SOX5: variants seen among roughly 807,000 people sequenced by gnomAD.
The protein encoded by SOX5 is SRY-box transcription factor 5.
SOX5 carries 9 observed loss-of-function variants against 92.0 expected under a neutral mutation model. The observed-to-expected ratio is 0.10, with a 90% confidence interval of 0.06 to 0.17. The LOEUF is 0.17. SOX5 is among the 10% of genes least tolerant of loss of function. The pLI is 1.00. For synonymous variants in SOX5, 344 were observed against 336.3 expected, an observed-to-expected ratio of 1.02 and a Z score of -0.25; for missense variants, 642 against 944.5, an observed-to-expected ratio of 0.68 and a Z score of 4.20.
chr12:23,922,133 TTAAAAAAGACC>T (rs1340522985), intron 1 of SOX5, among the ~76,000 whole-genome samples: 1 of 152,186 alleles, frequency 6.6e-6, no homozygotes, highest in African/African-American at 2.4e-5. Context: ...TGTTCGTCCT[TTAAAAAAGACC>T]AAAGCAATCT....
intron 4 of SOX5, among the ~76,000 whole-genome samples, chr12:23,960,545 A>ATATATACATATATATT (rs1946811620): frequency 1.5e-5 from 2 of 137,468 alleles, no homozygotes; most frequent in African/African-American, 2.6e-5. Context: ...ATATATATAT[A>ATATATACATATATATT]TGAAGTCAGT....
intron 3 of SOX5, among the ~76,000 whole-genome samples, chr12:23,822,642 G>A (rs1377335755): frequency 6.6e-6 from 1 of 152,104 alleles, no homozygotes; most frequent in Non-Finnish European, 1.5e-5. Context: ...GGTCTGCTTG[G>A]TCCAGAGCTA....
At chr12:24,412,071 T>C (rs1206747725) in intron 1 of SOX5, among the ~76,000 whole-genome samples, 1 of 152,200 alleles carries the variant, frequency 6.6e-6, no homozygotes, top group Non-Finnish European at 1.5e-5. Flanking sequence ...TTGTTTGTAG[T>C]AGTCCCATAT....
Position 23,673,933 on chromosome 12 carries a change from T to TA in SOX5, c.811-8370dup, listed in dbSNP as rs918010694. 4.4e-3 allele frequency among the ~76,000 whole-genome samples: 663 copies of TA among 151,282 alleles called. 5 individuals carry two copies. The highest frequency in any genetic ancestry group is 0.011 in the African/African-American group (445 of 41,290). On this transcript the variant is annotated intron_variant, in intron 6 of 14. Transcript: ENST00000451604. ...ATGGCATCTGAATTACATCTCAATT[T>TA]AAAAAAAAACCATAGCAAGTAAAAA...
At chr12:23,567,485 T>C (rs979723363) in intron 10 of SOX5, among the ~76,000 whole-genome samples, 4 of 150,380 alleles carry the variant, frequency 2.7e-5, no homozygotes, top group African/African-American at 9.8e-5. Context: ...TTTTTTTTTT[T>C]TGAAACAAGG....
rs527407569 is a variant in SOX5, at chr12:23,736,051, C to A, written c.742-1299G>T. ...GATGAGATGAAAACTGTAAACATTT[C>A]ATCACATGGGATAGGATATAACTTC... On this transcript the variant is annotated intron_variant, in intron 5 of 14. Coordinates refer to ENST00000451604, the MANE Select transcript of SOX5 (RefSeq NM_006940.6). 3.9e-5 allele frequency among the ~76,000 whole-genome samples: 6 copies of A among 152,058 alleles called. No individual in the cohort carries two copies. In the South Asian group the frequency reaches 1.2e-3, roughly 32 times the overall value.
intron 2 of SOX5, among the ~76,000 whole-genome samples, chr12:24,347,360 A>G (rs1476860221): frequency 1.3e-5 from 2 of 152,162 alleles, no homozygotes; most frequent in Non-Finnish European, 2.9e-5. Flanking sequence ...GCTGGAACCA[A>G]TCCTTCAAGG....
chr12:24,419,294 T>G (rs984827602), intron 1 of SOX5, among the ~76,000 whole-genome samples: 8 of 152,104 alleles, frequency 5.3e-5, no homozygotes, highest in Non-Finnish European at 1.2e-4. Context: ...CACACCACCA[T>G]GCCAGGCTAA....
chr12:24,108,563 A>C (rs535769645), intron 4 of SOX5, among the ~76,000 whole-genome samples: 1 of 152,138 alleles, frequency 6.6e-6, no homozygotes, highest in African/African-American at 2.4e-5. Context: ...ACAGAATAGG[A>C]AAAAGTTTAA....
At chr12:24,036,424 A>G (rs766143294) in intron 4 of SOX5, among the ~76,000 whole-genome samples, 16 of 152,180 alleles carry the variant, frequency 1.1e-4, no homozygotes, top group Non-Finnish European at 2.2e-4. Context: ...ATAATTAGAT[A>G]CTGCGAAGGT....
chr12:24,367,960 G>A (rs534188727), intron 2 of SOX5: 3 of 151,894 alleles, frequency 2.0e-5, no homozygotes, highest in African/African-American at 4.8e-5. Flanking sequence ...AGTTCTTCAG[G>A]ACTACTCAAG....
chr12:24,502,702 G>A (rs897445913), intron 1 of SOX5, among the ~76,000 whole-genome samples: 1 of 152,170 alleles, frequency 6.6e-6, no homozygotes, highest in South Asian at 2.1e-4. Flanking sequence ...ACCCCAAGAT[G>A]TTTATTAATT....
At chr12:24,016,641 C>G (rs1324476180) in intron 4 of SOX5, among the ~76,000 whole-genome samples, 1 of 151,966 alleles carries the variant, frequency 6.6e-6, no homozygotes, top group Admixed American at 6.6e-5. Context: ...TGCAGAAACG[C>G]AAAAAAATGG....
intron 1 of SOX5, among the ~76,000 whole-genome samples, chr12:24,510,770 G>C (rs1435968030): frequency 1.3e-5 from 2 of 152,200 alleles, no homozygotes; most frequent in Non-Finnish European, 2.9e-5. Context: ...ACGCATGCCA[G>C]ATACCAGCAT....
At chr12:23,740,447 T>G (rs1023902411) in intron 5 of SOX5, among the ~76,000 whole-genome samples, 54 of 152,196 alleles carry the variant, frequency 3.5e-4, no homozygotes, top group African/African-American at 1.3e-3. Context: ...AATGGCCTTG[T>G]AACTGAACTT....
intron 4 of SOX5, among the ~76,000 whole-genome samples, chr12:24,053,089 C>T (rs1396880390): frequency 6.6e-6 from 1 of 152,128 alleles, no homozygotes; most frequent in Admixed American, 6.5e-5. Flanking sequence ...ACTTTTTCCA[C>T]CCTTTGCTTC....
At chr12:24,349,643 T>C (rs1330163616) in intron 2 of SOX5, among the ~76,000 whole-genome samples, 2 of 152,248 alleles carry the variant, frequency 1.3e-5, no homozygotes, top group Non-Finnish European at 2.9e-5. Context: ...TAATATTCTG[T>C]TGTATGTACA....
At position 24,068,728 on chromosome 12, in the gene SOX5, A is replaced by G. The variant is rs1200046987; in HGVS notation, c.-2+144615T>C. Among the ~76,000 whole-genome samples the G allele has an allele frequency of 6.3e-4, 61 of 97,362 alleles. 1 individual carries two copies. The highest frequency in any genetic ancestry group is 1.0e-3 in the South Asian group (3 of 2,922). The allele number at this position is 97,362 out of a possible 152,430, so 63.9% of individuals were successfully genotyped here. Reference sequence around the variant, plus strand: ...TGTATATATATATATATATATATATATATATATATATATATATATACACAC... The same window carrying G: ...TGTATATATATATATATATATATATGTATATATATATATATATATACACAC... On this transcript the variant is annotated intron_variant, in intron 4 of 4. Transcript: ENST00000446891.
At chr12:23,905,382 T>A (rs1277533362) in intron 1 of SOX5, among the ~76,000 whole-genome samples, 1 of 152,204 alleles carries the variant, frequency 6.6e-6, no homozygotes, top group Non-Finnish European at 1.5e-5. Flanking sequence ...AGGCTTTGTC[T>A]TATTGGCTGG....
Sources: allele counts gnomAD v4.1 joint callset (sites outside exome capture counted in the v4.1 genomes callset), GRCh38; gene constraint gnomAD v4.1.1; transcripts MANE v1.5; gene names NCBI Gene and HGNC (gene_info 2026-07-23, HGNC 2026-07-21).